AGAP1: variants seen among roughly 807,000 people sequenced by gnomAD.
AGAP1 encodes the protein arf-GAP with GTPase, ANK repeat and PH domain-containing protein 1.
AGAP1 carries 29 observed loss-of-function variants against 105.3 expected under a neutral mutation model. The observed-to-expected ratio is 0.28, with a 90% CI of 0.21 to 0.38. The LOEUF is 0.38. AGAP1 is among the 10% of genes least tolerant of loss of function. The pLI is 1.00. For missense variants in AGAP1, 998 were observed against 1,165.1 expected (o/e 0.86, Z 2.09); for synonymous variants, 509 against 485.9 (o/e 1.05, Z -0.63).
Position 235,777,154 on chromosome 2 carries a change from C to A in AGAP1, c.674-20605C>A. The A allele has an allele frequency of 2.3e-6, 1 of 436,124 alleles. No individual in the cohort carries two copies. Among genetic ancestry groups the A allele is most frequent in the Non-Finnish European group, 4.7e-6 (1 of 212,818 alleles). 27.0% of individuals were successfully genotyped at this position (436,124 alleles called of 1,614,324 possible). ...CGGGTGGATCACGAGGTCAGGAGAT[C>A]GAGACCATCCTGGCTAACACAGTGA... On this transcript the variant is annotated intron_variant, in intron 6 of 17. Coordinates refer to ENST00000304032, the MANE Select transcript of AGAP1 (RefSeq NM_001037131.3). The surrounding 1 kb of genome is among the most constrained non-coding windows in gnomAD (Gnocchi z 5.1).
chr2:235,931,420 T>G lies in AGAP1; in HGVS notation c.1483+497T>G, dbSNP rs889123901. On this transcript the variant is annotated intron_variant, in intron 12 of 17. Coordinates refer to ENST00000304032, the MANE Select transcript of AGAP1 (RefSeq NM_001037131.3). The surrounding 1 kb of genome is among the most constrained non-coding windows in gnomAD (Gnocchi z 5.6). ...AGTCCCCTTTGTAATCCTTCAGTTT[T>G]CAAATTCCTTTGGCATTATTATTAT... Among the ~76,000 whole-genome samples the G allele has an allele frequency of 1.3e-5, 2 of 152,162 alleles. No homozygotes were observed. Among genetic ancestry groups the G allele is most frequent in the Non-Finnish European group, 2.9e-5 (2 of 68,032 alleles).
intron 1 of AGAP1, among the ~76,000 whole-genome samples, chr2:235,647,092 C>T (rs13395306): frequency 0.7 from 105,089 of 149,138 alleles, 37,064 homozygotes; most frequent in East Asian, 0.8. Flanking sequence ...ACCGAGATTG[C>T]GCCACTGCAC....
chr2:235,639,748 A>G lies in AGAP1; in HGVS notation c.164-69431A>G, dbSNP rs80123905. The stretch of plus-strand genomic sequence containing the variant: ...CGTGTTCTCAAAATCAGCACATGCC[A>G]TCCCACATTCTAGACCATCCAGTTT... On this transcript the variant is annotated intron_variant, in intron 1 of 17. Transcript: ENST00000304032. The surrounding 1 kb of genome is among the most constrained non-coding windows in gnomAD (Gnocchi z 5.3). Among the ~76,000 whole-genome samples the G allele has an allele frequency of 0.014, 2,056 of 152,284 alleles. 45 individuals are homozygous for G. The highest frequency in any genetic ancestry group is 0.046 in the African/African-American group (1,899 of 41,566).
At chr2:235,817,050 T>A (rs1019163051) in intron 9 of AGAP1, among the ~76,000 whole-genome samples, 2 of 152,008 alleles carry the variant, frequency 1.3e-5, no homozygotes. Context: ...CCAAGCTGAG[T>A]TTTGTCCTTT....
chr2:235,540,412 C>T (rs1229785717), intron 1 of AGAP1, among the ~76,000 whole-genome samples: 1 of 152,152 alleles, frequency 6.6e-6, no homozygotes, highest in African/African-American at 2.4e-5. Context: ...CTCGGCCTCC[C>T]AAAATGTTGG....
chr2:236,124,258 C>G lies in AGAP1; in HGVS notation c.*136C>G. 1 of 993,526 alleles carries G rather than the reference C, an allele frequency of 1.0e-6. No individual in the cohort carries two copies. The highest frequency in any genetic ancestry group is 1.5e-6 in the Non-Finnish European group (1 of 671,112). 61.5% of individuals were successfully genotyped at this position (993,526 alleles called of 1,614,324 possible). A position where few individuals can be genotyped will look rare whatever the true frequency, so the allele number is the denominator to read the frequency against. On this transcript the variant is annotated 3_prime_UTR_variant, in exon 18 of 18. Coordinates refer to ENST00000304032, the MANE Select transcript of AGAP1 (RefSeq NM_001037131.3). This position sits in a 1 kb window ranked among gnomAD's most constrained non-coding sequence, Gnocchi z 5.1. ...TGGCCACCTCCCTCCCGCCCACCCA[C>G]TCTCACCCCAAACAAAATCACAAAA...
intron 9 of AGAP1, among the ~76,000 whole-genome samples, chr2:235,818,027 C>A (rs572099004): frequency 1.3e-5 from 2 of 152,318 alleles, no homozygotes; most frequent in African/African-American, 2.4e-5. Flanking sequence ...ATCTTAGGGC[C>A]GTCCCAAGTC....
intron 16 of AGAP1, among the ~76,000 whole-genome samples, chr2:236,107,165 C>G (rs2059519017): frequency 6.7e-6 from 1 of 150,296 alleles, no homozygotes; most frequent in African/African-American, 2.4e-5. Context: ...TCAGAGGCAG[C>G]AGGCCTTGAA....
chr2:235,726,158 T>C (rs1211818843), intron 3 of AGAP1, among the ~76,000 whole-genome samples: 1 of 152,192 alleles, frequency 6.6e-6, no homozygotes, highest in African/African-American at 2.4e-5. Flanking sequence ...AATACCTTTC[T>C]GAATAAGTAA....
At chr2:235,743,349 G>C (rs767103264) in intron 4 of AGAP1, among the ~76,000 whole-genome samples, 1 of 152,090 alleles carries the variant, frequency 6.6e-6, no homozygotes, top group Non-Finnish European at 1.5e-5. Context: ...CTCCCGGCTC[G>C]GGAACTGAGG....
rs1447558698 is a variant in AGAP1 at position 236,083,381 on chromosome 2, C to T, written c.2114+34100C>T. ...TTGTGGCTTTGGAGGCTGATATTTT[C>T]TCTAAAGGAAAGATTAAAGGATTGT... On this transcript the variant is annotated intron_variant, in intron 16 of 17. Transcript: ENST00000304032. The surrounding 1 kb of genome is among the most constrained non-coding windows in gnomAD (Gnocchi z 5.3). Among the ~76,000 whole-genome samples the T allele has an allele frequency of 1.3e-5, 2 of 152,140 alleles. No individual in the cohort carries two copies. Among genetic ancestry groups the T allele is most frequent in the Non-Finnish European group, 2.9e-5 (2 of 68,024 alleles).
rs965631664 is a variant in AGAP1, at chr2:236,101,748, C to T, written c.2115-18444C>T. On this transcript the variant is annotated intron_variant, in intron 16 of 17. Transcript: ENST00000304032. The surrounding 1 kb of genome is among the most constrained non-coding windows in gnomAD (Gnocchi z 4.9). ...GTGATGGCGGCTGCACCAGCAGAGC[C>T]GCCGTGGGCTTCATGCCACGTTACG... is the stretch of plus-strand genomic sequence containing the variant. Among the ~76,000 whole-genome samples the T allele has an allele frequency of 2.0e-5, 3 of 152,228 alleles. No individual in the cohort carries two copies. The highest frequency in any genetic ancestry group is 1.9e-4 in the East Asian group (1 of 5,192).
intron 1 of AGAP1, among the ~76,000 whole-genome samples, chr2:235,545,588 A>G (rs1309574800): frequency 6.6e-6 from 1 of 152,196 alleles, no homozygotes; most frequent in Admixed American, 6.5e-5. Flanking sequence ...TTCTGAAGAC[A>G]CTGGCCCGTG....
At position 235,552,459 on chromosome 2, in the gene AGAP1, G is replaced by A. The variant is rs2149118299; in HGVS notation, c.163+57610G>A. Among the ~76,000 whole-genome samples the A allele has an allele frequency of 6.6e-6, 1 of 152,306 alleles. No homozygotes were observed. ...TCAAGTAGAGCCATTGGCTGCTTGA[G>A]TGCAGTGCAGAGCACTGGGAAATGG... is the stretch of plus-strand genomic sequence containing the variant. On this transcript the variant is annotated intron_variant, in intron 1 of 17. Coordinates refer to ENST00000304032, the MANE Select transcript of AGAP1 (RefSeq NM_001037131.3). The surrounding 1 kb of genome is among the most constrained non-coding windows in gnomAD (Gnocchi z 5.9).
rs528030896 is a variant in AGAP1, at chr2:235,851,494, A to G, written c.1051-31851A>G. On this transcript the variant is annotated intron_variant, in intron 9 of 17. Transcript: ENST00000304032. ...GATGGGAAAATGGCCCTCGTTTCAGAGAATTTTTTTTTTAAAGCAAAGTGT... is the reference window on the plus strand; with the variant it reads ...GATGGGAAAATGGCCCTCGTTTCAGGGAATTTTTTTTTTAAAGCAAAGTGT... Among the ~76,000 whole-genome samples the G allele has an allele frequency of 2.0e-5, 3 of 152,256 alleles. No individual in the cohort carries two copies. In the South Asian group the frequency reaches 6.2e-4, roughly 32 times the overall value.
At position 235,657,968 on chromosome 2, in the gene AGAP1, A is replaced by G. The variant is rs531377969; in HGVS notation, c.164-51211A>G. Reference sequence around the variant, plus strand: ...GGCATGTCCAAGCCGAGAGACCTCAAAAGAGACCAGCCCTGTCCACACTGT... The same window carrying G: ...GGCATGTCCAAGCCGAGAGACCTCAGAAGAGACCAGCCCTGTCCACACTGT... On this transcript the variant is annotated intron_variant, in intron 1 of 17. Coordinates refer to ENST00000304032, the MANE Select transcript of AGAP1 (RefSeq NM_001037131.3). 2.1e-3 allele frequency among the ~76,000 whole-genome samples: 323 copies of G among 152,306 alleles called. 3 individuals are homozygous for G. Among genetic ancestry groups the G allele is most frequent in the Non-Finnish European group, 8.2e-4 (56 of 68,030 alleles).
At chr2:235,542,484 C>T (rs181307142) in intron 1 of AGAP1, among the ~76,000 whole-genome samples, 1 of 152,328 alleles carries the variant, frequency 6.6e-6, no homozygotes, top group African/African-American at 2.4e-5. Context: ...AAGAAAGTCT[C>T]ATCTCTGTCT....
rs1479246554 is a variant in AGAP1, at chr2:236,124,835, AT to A, written c.*714del. The A allele has an allele frequency of 1.3e-5, 2 of 153,210 alleles. No individual in the cohort carries two copies. The highest frequency in any genetic ancestry group is 6.5e-5 in the Admixed American group (1 of 15,338). 9.5% of individuals were successfully genotyped at this position (153,210 alleles called of 1,614,324 possible). On this transcript the variant is annotated 3_prime_UTR_variant, in exon 18 of 18. Coordinates refer to ENST00000304032, the MANE Select transcript of AGAP1 (RefSeq NM_001037131.3). The surrounding 1 kb of genome is among the most constrained non-coding windows in gnomAD (Gnocchi z 5.1). Reference sequence around the variant, plus strand: ...TGATTGCAATACTCTTAGAAGCACCATATTATCCCAGACATGTTCTTTCAAG... The same window carrying A: ...TGATTGCAATACTCTTAGAAGCACCAATTATCCCAGACATGTTCTTTCAAG...
In AGAP1 at chr2:236,065,059, C is replaced by T. The variant is rs538484137; in HGVS notation, c.2114+15778C>T. ...AGGCAAAGGCTCCATGGAGCATCAG[C>T]CTGACTGATACTGCTGGAGAGGTGA... On this transcript the variant is annotated intron_variant, in intron 16 of 17. Coordinates refer to ENST00000304032, the MANE Select transcript of AGAP1 (RefSeq NM_001037131.3). Among the ~76,000 whole-genome samples, 9 of 152,310 alleles carry T rather than the reference C, an allele frequency of 5.9e-5. No homozygotes were observed. The East Asian group carries it at 1.5e-3, about 26-fold the overall frequency.
Sources: allele counts gnomAD v4.1 joint callset (sites outside exome capture counted in the v4.1 genomes callset), GRCh38; gene constraint gnomAD v4.1.1; non-coding constraint Gnocchi (gnomAD v3.1); transcripts MANE v1.5; gene names NCBI Gene and HGNC (gene_info 2026-07-23, HGNC 2026-07-21).